Variants in DMD observed in about 807,000 individuals in gnomAD.
The protein encoded by DMD is dystrophin.
DMD carries 63 observed loss-of-function variants against 330.1 expected under a neutral mutation model. The observed-to-expected ratio is 0.19, with a 90% CI of 0.16 to 0.24. The LOEUF (loss-of-function observed/expected upper bound fraction) is 0.24. Among genes scored for constraint, DMD ranks in the 10% least tolerant of loss-of-function variants. The probability of loss-of-function intolerance (pLI) is 1.00; values close to 1 mark genes in which losing one functional copy is unlikely to be tolerated. For missense variants in DMD, 3,344 were observed against 2,684.1 expected (o/e 1.25, Z -5.43); for synonymous variants, 1,223 against 959.8 (o/e 1.27, Z -5.07).
chrX:31,634,118 G>A (rs1027502538), intron 54 of DMD, among the ~76,000 whole-genome samples: 3 of 112,475 alleles, frequency 2.7e-5, no homozygotes, highest in Non-Finnish European at 5.6e-5. Context: ...ATGCAGGGTC[G>A]TTGAAACATA....
chrX:31,821,102 AT>A (rs1244372386), intron 49 of DMD, among the ~76,000 whole-genome samples: 1 of 107,364 alleles, frequency 9.3e-6, no homozygotes, highest in African/African-American at 3.3e-5. Context: ...AGGTTTCCAC[AT>A]TTTTTTTCCT....
intron 60 of DMD, among the ~76,000 whole-genome samples, chrX:31,420,972 T>C (rs2063335074): frequency 8.9e-6 from 1 of 112,163 alleles, no homozygotes; most frequent in Admixed American, 9.5e-5. Context: ...CAGTGCCACA[T>C]GAAATCCAAG....
chrX:33,198,888 A>C (rs1195585608), intron 1 of DMD, among the ~76,000 whole-genome samples: 1 of 109,918 alleles, frequency 9.1e-6, no homozygotes, highest in African/African-American at 3.3e-5. Flanking sequence ...GGTGTCATCA[A>C]GGTAAAAAAG....
intron 48 of DMD, among the ~76,000 whole-genome samples, chrX:31,843,970 T>C (rs765192842): frequency 1.8e-5 from 2 of 111,352 alleles, no homozygotes; most frequent in Admixed American, 9.6e-5. Flanking sequence ...GCGGTTCTCC[T>C]GCCTCAGCCT....
intron 25 of DMD, among the ~76,000 whole-genome samples, chrX:32,457,197 C>A (rs2098363828): frequency 1.8e-5 from 2 of 110,110 alleles, no homozygotes; most frequent in African/African-American, 6.6e-5. Flanking sequence ...GACACAGAAG[C>A]CAACTGAATT....
intron 64 of DMD, among the ~76,000 whole-genome samples, chrX:31,214,853 G>A (rs1309269604): frequency 1.8e-5 from 2 of 108,869 alleles, no homozygotes; most frequent in East Asian, 2.8e-4. Flanking sequence ...AAGAGGTTTG[G>A]CTTAAAATTA....
intron 43 of DMD, among the ~76,000 whole-genome samples, chrX:32,255,942 T>C (rs1220875335): frequency 8.9e-6 from 1 of 112,016 alleles, no homozygotes; most frequent in Non-Finnish European, 1.9e-5. Flanking sequence ...TGTATAACTG[T>C]GAAATCATTT....
chrX:31,551,729 CA>C (rs1331594391), intron 55 of DMD, among the ~76,000 whole-genome samples: 4 of 111,965 alleles, frequency 3.6e-5, no homozygotes, highest in Non-Finnish European at 5.6e-5. Flanking sequence ...CATATAAAAC[CA>C]TGTCAGTTTC....
At chrX:31,695,324 ATAGT>A (rs2083386554) in intron 52 of DMD, among the ~76,000 whole-genome samples, 1 of 111,027 alleles carries the variant, frequency 9.0e-6, no homozygotes, top group Non-Finnish European at 1.9e-5. Flanking sequence ...GCTACAAAAA[ATAGT>A]TAGAAAGAAT....
At chrX:33,172,988 A>G (rs1461945301) in intron 1 of DMD, among the ~76,000 whole-genome samples, 2 of 111,655 alleles carry the variant, frequency 1.8e-5, no homozygotes, top group Non-Finnish European at 3.8e-5. Flanking sequence ...GAAAGATCTT[A>G]CTTAACAAAT....
chrX:33,312,890 G>A (rs1454842415), intron 1 of DMD, among the ~76,000 whole-genome samples: 1 of 111,128 alleles, frequency 9.0e-6, no homozygotes, highest in Non-Finnish European at 1.9e-5. Flanking sequence ...TTAAGCTTAG[G>A]AACACTAGAC....
intron 41 of DMD, among the ~76,000 whole-genome samples, chrX:32,319,686 G>T (rs2097601050): frequency 9.0e-6 from 1 of 110,795 alleles, no homozygotes; most frequent in African/African-American, 3.3e-5. Context: ...TTGTCTTTTA[G>T]TTACTAATCT....
At chrX:32,252,651 TACAA>T (rs771599399) in intron 43 of DMD, among the ~76,000 whole-genome samples, 2 of 55,249 alleles carry the variant, frequency 3.6e-5, no homozygotes, top group East Asian at 1.3e-3. Flanking sequence ...TATATATAAA[TACAA>T]ATATATAAAT....
chrX:32,619,327 G>A (rs992300310), intron 11 of DMD, among the ~76,000 whole-genome samples: 2 of 110,794 alleles, frequency 1.8e-5, no homozygotes, highest in Non-Finnish European at 3.8e-5. Context: ...GAAGGGGGAG[G>A]TATGGAGATA....
chrX:31,652,100 G>A (rs1477696988), intron 54 of DMD, among the ~76,000 whole-genome samples: 1 of 111,978 alleles, frequency 8.9e-6, no homozygotes, highest in Non-Finnish European at 1.9e-5. Context: ...AACATGCCAA[G>A]AATATTCCTG....
Position 32,331,344 on chromosome X carries a change from C to A in DMD, c.5922+10756G>T, listed in dbSNP as rs1006579852. On this transcript the variant is annotated intron_variant, in intron 41 of 78. Transcript: ENST00000357033. The stretch of plus-strand genomic sequence containing the variant: ...AGCATTCAAATAAAGATAATACTAA[C>A]TTTAGTGAACCAAGTTTCCTCATCT... Among the ~76,000 whole-genome samples, 4 of 111,567 alleles carry A rather than the reference C, an allele frequency of 3.6e-5. No individual in the cohort carries two copies. In the South Asian group the frequency reaches 1.5e-3, roughly 41 times the overall value.
intron 11 of DMD, among the ~76,000 whole-genome samples, chrX:32,622,702 G>A (rs778806470): frequency 4.5e-5 from 5 of 111,242 alleles, no homozygotes; most frequent in African/African-American, 1.6e-4. Flanking sequence ...TTTTTTATAC[G>A]CAACTCATCT....
At chrX:31,212,156 A>ATGTG (rs1320495063) in intron 64 of DMD, among the ~76,000 whole-genome samples, 1 of 76,985 alleles carries the variant, frequency 1.3e-5, no homozygotes, top group Admixed American at 1.5e-4. Flanking sequence ...TTATATATAT[A>ATGTG]TATATATATA....
At chrX:33,194,875 T>C (rs1216418255) in intron 1 of DMD, among the ~76,000 whole-genome samples, 1 of 111,862 alleles carries the variant, frequency 8.9e-6, no homozygotes, top group Non-Finnish European at 1.9e-5. Flanking sequence ...ATACAAAATA[T>C]AGTTCATATT....
Sources: allele counts gnomAD v4.1 joint callset (sites outside exome capture counted in the v4.1 genomes callset), GRCh38; gene constraint gnomAD v4.1.1; transcripts MANE v1.5; gene names NCBI Gene and HGNC (gene_info 2026-07-23, HGNC 2026-07-21).